UTS2B: variants seen among roughly 807,000 people sequenced by gnomAD.
UTS2B encodes the protein urotensin 2B.
In UTS2B, 21 loss-of-function variants were observed where a neutral mutation model predicts 19.2. The observed-to-expected ratio is 1.09, with a 90% CI of 0.78 to 1.58. The LOEUF (loss-of-function observed/expected upper bound fraction) is 1.58. Among genes scored for constraint, UTS2B ranks in the 40% most tolerant of loss-of-function variants. UTS2B has a pLI of 0.00. For missense variants in UTS2B, 138 were observed against 130.3 expected (o/e 1.06, Z -0.29); for synonymous variants, 57 against 50.2 (o/e 1.14, Z -0.58).
At chr3:191,269,869 T>C (rs551782348) in intron 8 of UTS2B, among the ~76,000 whole-genome samples, 29 of 152,360 alleles carry the variant, frequency 1.9e-4, no homozygotes, top group Non-Finnish European at 3.4e-4. Flanking sequence ...GGAACTGTCA[T>C]GAGTCATACT....
At chr3:191,343,050 G>T in the UTS2B span, among the ~76,000 whole-genome samples, 1 of 152,076 alleles carries the variant, frequency 6.6e-6, no homozygotes, top group African/African-American at 2.4e-5. Context: ...ATCAAGTGTA[G>T]ATCAGAAATA....
At chr3:191,304,377 C>T (rs2108596826) in intron 4 of UTS2B, 115 bp downstream of exon 4, 1 of 152,346 alleles carries the variant, frequency 6.6e-6, no homozygotes, top group East Asian at 1.9e-4. Flanking sequence ...ATATGTTGCT[C>T]ACCATCATCC....
rs1281310354 is a variant in UTS2B, at chr3:191,267,749, T to C, written c.*667A>G. 6.6e-6 allele frequency: 1 copy of C among 152,042 alleles called. No homozygotes were observed. The highest frequency in any genetic ancestry group is 1.5e-5 in the Non-Finnish European group (1 of 68,008). The allele number at this position is 152,042 out of a possible 1,614,324, so 9.4% of individuals were successfully genotyped here. ...AATTCTTTAACATAACATTTGTATG[T>C]AGAAGTACAGTACATTTGTATGTAG... is the stretch of plus-strand genomic sequence containing the variant. On this transcript the variant is annotated 3_prime_UTR_variant, in exon 9 of 9. Coordinates refer to ENST00000340524, the MANE Select transcript of UTS2B (RefSeq NM_198152.5).
intron 8 of UTS2B, among the ~76,000 whole-genome samples, chr3:191,274,566 C>T (rs960873992): frequency 6.6e-6 from 1 of 152,130 alleles, no homozygotes; most frequent in South Asian, 2.1e-4. Context: ...TATTTTGAGA[C>T]ATTAAAATAT....
intron 6 of UTS2B, 151 bp from the exon 7 acceptor site, chr3:191,276,995 T>C (rs772642419): frequency 7.9e-5 from 48 of 603,872 alleles, no homozygotes; most frequent in Non-Finnish European, 1.2e-4. Context: ...AAACCTCCAG[T>C]ATATTTCTCA....
At chr3:191,329,092 CTA>C (rs1717836480) in intron 1 of UTS2B, 3 of 153,048 alleles carry the variant, frequency 2.0e-5, no homozygotes, top group Admixed American at 6.5e-5. Flanking sequence ...ACGGGAAAGA[CTA>C]TGTTTTAGGT....
At chr3:191,336,693 C>T in the UTS2B span, among the ~76,000 whole-genome samples, 3 of 152,166 alleles carry the variant, frequency 2.0e-5, no homozygotes, top group East Asian at 3.9e-4. Context: ...GAGATGGTTT[C>T]AGGAATCTGT....
At chr3:191,323,225 G>A (rs903482810) in intron 2 of UTS2B, among the ~76,000 whole-genome samples, 2 of 152,014 alleles carry the variant, frequency 1.3e-5, no homozygotes, top group Admixed American at 1.3e-4. Context: ...GTTTTGCTCT[G>A]TTGCCCAGGC....
At chr3:191,286,873 G>C (rs776830417) in intron 4 of UTS2B, among the ~76,000 whole-genome samples, 1 of 151,388 alleles carries the variant, frequency 6.6e-6, no homozygotes, top group Non-Finnish European at 1.5e-5. Flanking sequence ...ACGTTAGCTT[G>C]ACTAAGATAA....
At chr3:191,321,939 A>AT in intron 2 of UTS2B, among the ~76,000 whole-genome samples, 1 of 152,246 alleles carries the variant, frequency 6.6e-6, no homozygotes, top group Middle Eastern at 3.4e-3. Flanking sequence ...AGGCAGGAGA[A>AT]TTGCTTGAAT....
intron 4 of UTS2B, among the ~76,000 whole-genome samples, chr3:191,300,372 T>C (rs66501888): frequency 0.34 from 52,440 of 152,120 alleles, 9,472 homozygotes; most frequent in East Asian, 0.5. Context: ...TTTGGCCAAT[T>C]TATCCCTTTT....
At chr3:191,313,022 T>G (rs1173584412) in intron 3 of UTS2B, among the ~76,000 whole-genome samples, 1 of 152,090 alleles carries the variant, frequency 6.6e-6, no homozygotes, top group Non-Finnish European at 1.5e-5. Context: ...AACAGGTTTT[T>G]TTTTTTTTTT....
chr3:191,291,962 CT>C (rs1475454476), intron 4 of UTS2B, among the ~76,000 whole-genome samples: 1 of 152,000 alleles, frequency 6.6e-6, no homozygotes, highest in African/African-American at 2.4e-5. Flanking sequence ...TTTGTCCATT[CT>C]TATACAAGTA....
At chr3:191,303,155 G>T (rs1183075090) in intron 4 of UTS2B, among the ~76,000 whole-genome samples, 1 of 152,106 alleles carries the variant, frequency 6.6e-6, no homozygotes, top group Non-Finnish European at 1.5e-5. Flanking sequence ...AGATGTCCCA[G>T]TCCCCTATAT....
chr3:191,289,109 T>A (rs187374738), intron 4 of UTS2B, among the ~76,000 whole-genome samples: 1 of 152,002 alleles, frequency 6.6e-6, no homozygotes, highest in East Asian at 1.9e-4. Flanking sequence ...CACTACTGTT[T>A]ATATATCTAA....
At chr3:191,310,411 T>G (rs938142708) in intron 3 of UTS2B, among the ~76,000 whole-genome samples, 2 of 152,212 alleles carry the variant, frequency 1.3e-5, no homozygotes, top group Non-Finnish European at 2.9e-5. Context: ...TCAAGCACAC[T>G]TAATGCCCAT....
intron 3 of UTS2B, among the ~76,000 whole-genome samples, chr3:191,311,429 T>TTC (rs367598836): frequency 2.0e-5 from 3 of 152,154 alleles, no homozygotes; most frequent in African/African-American, 7.2e-5. Flanking sequence ...TGATATCTCT[T>TTC]TCTCTCTCTC....
At position 191,330,326 on chromosome 3, in the gene UTS2B, C is replaced by G. The variant is rs67197448; in HGVS notation, c.-665+88G>C. ...ACACACACACACACACACACACACA[C>G]ACAATAGTGAGCGAGGGGAACAGGG... is the stretch of plus-strand genomic sequence containing the variant. On this transcript the variant is annotated intron_variant, in intron 1 of 8. Transcript: ENST00000340524. 60 of 147,782 alleles carry G rather than the reference C, an allele frequency of 4.1e-4. 1 individual carries two copies. The highest frequency in any genetic ancestry group is 2.0e-3 in the East Asian group (10 of 4,970). 9.2% of individuals were successfully genotyped at this position (147,782 alleles called of 1,614,324 possible).
chr3:191,309,766 C>T (rs1397618351), intron 3 of UTS2B, among the ~76,000 whole-genome samples: 1 of 152,076 alleles, frequency 6.6e-6, no homozygotes, highest in Non-Finnish European at 1.5e-5. Context: ...GCTCTCTCTT[C>T]CTCCTGCTCT....
Sources: allele counts gnomAD v4.1 joint callset (sites outside exome capture counted in the v4.1 genomes callset), GRCh38; gene constraint gnomAD v4.1.1; transcripts MANE v1.5; gene names NCBI Gene and HGNC (gene_info 2026-07-23, HGNC 2026-07-21).